The following PPP1R9A variants were observed in gnomAD, a reference collection of about 807,000 sequenced individuals.
PPP1R9A encodes neurabin-1.
PPP1R9A carries 59 observed loss-of-function variants against 141.9 expected under a neutral mutation model. The observed-to-expected ratio is 0.42, with a 90% CI of 0.34 to 0.52. The LOEUF is 0.52. Among genes scored for constraint, PPP1R9A ranks in the 20% least tolerant of loss-of-function variants. The pLI, the probability that PPP1R9A is intolerant of heterozygous loss-of-function variation, is 0.10. For synonymous variants in PPP1R9A, 500 were observed against 569.7 expected (o/e 0.88, Z 1.74); for missense variants, 1,444 against 1,611.9 (o/e 0.90, Z 1.78).
intron 18 of PPP1R9A, among the ~76,000 whole-genome samples, chr7:95,287,722 G>A (rs1805611268): frequency 6.6e-6 from 1 of 152,122 alleles, no homozygotes; most frequent in African/African-American, 2.4e-5. Flanking sequence ...GTCTCACTCT[G>A]TTGCCCAGGC....
Position 95,016,437 on chromosome 7 carries a change from A to G in PPP1R9A, c.1396-94822A>G, listed in dbSNP as rs1584284866. On this transcript the variant is annotated intron_variant, in intron 2 of 19. Coordinates refer to ENST00000433360, the MANE Select transcript of PPP1R9A (RefSeq NM_001166160.2). ...AGCTGGTAATTATAGACAAAAATCT[A>G]TCATGAATGTAAATGCAAGAATCTT... is the stretch of plus-strand genomic sequence containing the variant. Among the ~76,000 whole-genome samples the G allele has an allele frequency of 1.3e-5, 2 of 152,178 alleles. 1 individual carries two copies. Among genetic ancestry groups the G allele is most frequent in the African/African-American group, 4.8e-5 (2 of 41,468 alleles).
intron 4 of PPP1R9A, among the ~76,000 whole-genome samples, chr7:95,129,624 G>A (rs1323178345): frequency 6.6e-6 from 1 of 152,192 alleles, no homozygotes. Context: ...GGGCTCAGAA[G>A]AAGACAGGAA....
rs779003466 is a variant in PPP1R9A, at chr7:95,292,823, T to G, written c.*2520T>G. 4 of 152,194 alleles carry G rather than the reference T, an allele frequency of 2.6e-5. No homozygotes were observed. The highest frequency in any genetic ancestry group is 7.2e-5 in the African/African-American group (3 of 41,466). The allele number at this position is 152,194 out of a possible 1,614,324, so 9.4% of individuals were successfully genotyped here. On this transcript the variant is annotated 3_prime_UTR_variant, in exon 20 of 20. Transcript: ENST00000433360. Reference sequence around the variant, plus strand: ...ACTGATTAAGGGTATGAAAGCAAAGTGAAAGACCTCAGATCTTGTGCACAT... The same window carrying G: ...ACTGATTAAGGGTATGAAAGCAAAGGGAAAGACCTCAGATCTTGTGCACAT...
intron 4 of PPP1R9A, among the ~76,000 whole-genome samples, chr7:95,157,149 C>A (rs373661053): frequency 1.3e-5 from 2 of 152,282 alleles, no homozygotes; most frequent in Admixed American, 6.5e-5. Flanking sequence ...GGGCTTGACC[C>A]CGATTTGCTC....
At chr7:95,084,626 CCAAG>C (rs1209221575) in intron 2 of PPP1R9A, among the ~76,000 whole-genome samples, 1 of 151,850 alleles carries the variant, frequency 6.6e-6, no homozygotes, top group Non-Finnish European at 1.5e-5. Context: ...CTTTTAGTTA[CCAAG>C]CATTTTATAT....
Position 95,123,581 on chromosome 7 carries a change from A to G in PPP1R9A, c.1649+2749A>G, listed in dbSNP as rs148234139. 8.8e-3 allele frequency among the ~76,000 whole-genome samples: 1,344 copies of G among 152,284 alleles called. 20 individuals carry two copies. The highest frequency in any genetic ancestry group is 0.03 in the African/African-American group (1,231 of 41,576). On this transcript the variant is annotated intron_variant, in intron 4 of 19. Coordinates refer to ENST00000433360, the MANE Select transcript of PPP1R9A (RefSeq NM_001166160.2). ...GGAGAATCGCTTGAACCTGGGAGGT[A>G]GAGGTGGCAGTGAGCCAAGATTGTG...
intron 2 of PPP1R9A, among the ~76,000 whole-genome samples, chr7:94,988,402 C>T (rs549522898): frequency 3.3e-5 from 5 of 152,116 alleles, no homozygotes; most frequent in South Asian, 2.1e-4. Context: ...TTGGATAAGA[C>T]ACCAGCTCAA....
intron 2 of PPP1R9A, among the ~76,000 whole-genome samples, chr7:95,009,429 A>G (rs377382574): frequency 1.3e-5 from 2 of 152,318 alleles, no homozygotes; most frequent in African/African-American, 4.8e-5. Context: ...CTTCGCCATC[A>G]AGATGTGGCG....
At chr7:95,273,825 A>T in intron 14 of PPP1R9A, 74 bp from the exon 15 acceptor site, 1 of 1,297,418 alleles carries the variant, frequency 7.7e-7, no homozygotes, top group Non-Finnish European at 1.1e-6. Context: ...TTAGATTCAG[A>T]GATGCATTGA....
At chr7:95,013,283 G>C (rs1804679163) in intron 2 of PPP1R9A, among the ~76,000 whole-genome samples, 1 of 152,052 alleles carries the variant, frequency 6.6e-6, no homozygotes, top group South Asian at 2.1e-4. Context: ...ATAATTCCTA[G>C]ACATTCATAA....
intron 5 of PPP1R9A, 92 bp from the exon 6 acceptor site, chr7:95,198,257 T>A: frequency 8.3e-7 from 1 of 1,209,846 alleles, no homozygotes; most frequent in Non-Finnish European, 1.1e-6. Flanking sequence ...TGAGGCTTGA[T>A]GGACCCTGCT....
intron 2 of PPP1R9A, among the ~76,000 whole-genome samples, chr7:95,079,773 G>A (rs1815494999): frequency 6.6e-6 from 1 of 152,198 alleles, no homozygotes. Context: ...TGGGATGCAA[G>A]GCTGGTTCAA....
At chr7:95,214,948 A>C (rs1325322493) in intron 7 of PPP1R9A, among the ~76,000 whole-genome samples, 1 of 151,914 alleles carries the variant, frequency 6.6e-6, no homozygotes, top group East Asian at 1.9e-4. Context: ...ATGAGAATGG[A>C]GTGAAAAATC....
chr7:95,137,415 C>CAAA (rs33928009), intron 4 of PPP1R9A, among the ~76,000 whole-genome samples: 9 of 91,462 alleles, frequency 9.8e-5, no homozygotes, highest in East Asian at 3.4e-4. Context: ...GACATGAACT[C>CAAA]AAAAAAAAAA....
intron 7 of PPP1R9A, among the ~76,000 whole-genome samples, chr7:95,207,471 C>T (rs1238554272): frequency 6.6e-6 from 1 of 151,934 alleles, no homozygotes; most frequent in East Asian, 1.9e-4. Flanking sequence ...TAGGTCCATC[C>T]CATTCATAAA....
intron 2 of PPP1R9A, 135 bp downstream of exon 2, chr7:94,911,643 G>C: frequency 1.5e-6 from 1 of 657,772 alleles, no homozygotes; most frequent in Non-Finnish European, 2.5e-6. Flanking sequence ...AAAATCACCT[G>C]TTGTCAGGTG....
chr7:95,175,591 A>G (rs1832783123), intron 5 of PPP1R9A, among the ~76,000 whole-genome samples: 1 of 151,902 alleles, frequency 6.6e-6, no homozygotes, highest in African/African-American at 2.4e-5. Context: ...TTTTAACTCC[A>G]GACAATCATT....
intron 2 of PPP1R9A, among the ~76,000 whole-genome samples, chr7:94,934,794 ATGTG>A (rs869132447): frequency 4.1e-4 from 49 of 118,592 alleles, no homozygotes; most frequent in Admixed American, 4.0e-3. Context: ...CTTTTATCAA[ATGTG>A]TGTGTGTGTG....
chr7:95,071,275 C>T (rs988568808), intron 2 of PPP1R9A, among the ~76,000 whole-genome samples: 2 of 151,904 alleles, frequency 1.3e-5, no homozygotes, highest in Admixed American at 1.3e-4. Flanking sequence ...AGCCCATCCT[C>T]TTTGTTGTGA....
Sources: gnomAD v4.1 joint callset for allele counts (sites outside exome capture counted in the v4.1 genomes callset) on GRCh38, gnomAD v4.1.1 for gene constraint, MANE v1.5 for transcripts, NCBI Gene and HGNC (gene_info 2026-07-23, HGNC 2026-07-21) for gene names.